POU2F2: variants seen among roughly 807,000 people sequenced by gnomAD.
The protein encoded by POU2F2 is POU domain, class 2, transcription factor 2.
Under a neutral mutation model 63.5 loss-of-function variants are expected in POU2F2, and 14 were observed. The observed-to-expected ratio is 0.22, with a 90% confidence interval of 0.15 to 0.34. POU2F2 has a LOEUF of 0.34. Ranked by LOEUF, POU2F2 falls within the 10% of genes least tolerant of loss-of-function variation. The pLI is 1.00. For synonymous variants in POU2F2, 306 were observed against 348.6 expected, an observed-to-expected ratio of 0.88 and a Z score of 1.36; for missense variants, 607 against 815.2, an observed-to-expected ratio of 0.74 and a Z score of 3.11.
chr19:42,146,844 T>C (rs2034244465), intron 2 of POU2F2, among the ~76,000 whole-genome samples: 1 of 152,196 alleles, frequency 6.6e-6, no homozygotes, highest in African/African-American at 2.4e-5. Context: ...AGCTCAGGTT[T>C]GGAAGGGTCA....
In POU2F2 at chr19:42,095,670, G is replaced by C. The variant is rs2076892545; in HGVS notation, c.895C>G (p.Leu299Val). The part of the protein sequence containing the change: ...DAETMSVDSS[L>V]PSPNQLSSPS... ...CTGCTCAGCTGGTTGGGGCTGGGCAGGCTTGAGTCCACAGACATAGTCTCT... is the reference window on the plus strand; with the variant it reads ...CTGCTCAGCTGGTTGGGGCTGGGCACGCTTGAGTCCACAGACATAGTCTCT... The change falls in exon 10 of 15, where the codon CTG becomes GTG. Residue 299 changes from leucine (L) to valine (V), a missense_variant. Physicochemically the swap from Leu to Val is conservative, Grantham distance 32. This residue lies in a region of POU2F2 where 39 missense variants were observed against 36.3 expected (regional missense o/e 1.07). Coordinates refer to ENST00000692977, the MANE Select transcript of POU2F2 (RefSeq NM_001394376.1). The surrounding 1 kb of genome is among the most constrained non-coding windows in gnomAD (Gnocchi z 7.1). The C allele has an allele frequency of 6.2e-7, 1 of 1,612,300 alleles. No individual in the cohort carries two copies. Among genetic ancestry groups the C allele is most frequent in the Non-Finnish European group, 8.5e-7 (1 of 1,179,840 alleles).
At chr19:42,100,141 G>A (rs1307867912) in intron 5 of POU2F2, among the ~76,000 whole-genome samples, 1 of 137,738 alleles carries the variant, frequency 7.3e-6, no homozygotes, top group Non-Finnish European at 1.5e-5. Flanking sequence ...GCCCAGGCTG[G>A]AGTGCAGTGG....
At chr19:42,173,991 T>C (rs1343884861) in intron 1 of POU2F2, among the ~76,000 whole-genome samples, 1 of 152,274 alleles carries the variant, frequency 6.6e-6, no homozygotes, top group South Asian at 2.1e-4. Flanking sequence ...GCTTTGTTAC[T>C]ACAGAAGGTC....
intron 5 of POU2F2, among the ~76,000 whole-genome samples, chr19:42,115,528 A>C (rs998705721): frequency 5.9e-5 from 9 of 152,206 alleles, no homozygotes; most frequent in African/African-American, 1.9e-4. Context: ...CACTGCCCTG[A>C]AACTTGGCCA....
rs1458251608 is a variant in POU2F2, at chr19:42,089,934, G to A, written c.*1323C>T. 6.6e-6 allele frequency: 1 copy of A among 152,044 alleles called. No homozygotes were observed. Among genetic ancestry groups the A allele is most frequent in the Non-Finnish European group, 1.5e-5 (1 of 68,016 alleles). The allele number at this position is 152,044 out of a possible 1,614,324, so 9.4% of individuals were successfully genotyped here. A position where few individuals can be genotyped will look rare whatever the true frequency, so the allele number is the denominator to read the frequency against. The stretch of plus-strand genomic sequence containing the variant: ...ACACAGGGTCCAGCCAAGAGTTGTG[G>A]AGGTCTTGTGGGAGTGGTGGCCACC... On this transcript the variant is annotated 3_prime_UTR_variant, in exon 15 of 15. Transcript: ENST00000692977.
At chr19:42,122,679 C>G (rs2032786726) in intron 1 of POU2F2, 103 bp from the exon 2 acceptor site, 1 of 1,080,154 alleles carries the variant, frequency 9.3e-7, no homozygotes, top group Non-Finnish European at 1.3e-6. Flanking sequence ...CCCAAATTCC[C>G]CCCTTACCCC....
intron 2 of POU2F2, among the ~76,000 whole-genome samples, chr19:42,146,515 G>C (rs2034237527): frequency 6.6e-6 from 1 of 152,208 alleles, no homozygotes; most frequent in Non-Finnish European, 1.5e-5. Context: ...ATGCTCCCCA[G>C]CTCCACTTTG....
chr19:42,174,726 T>C (rs537155151), intron 1 of POU2F2, among the ~76,000 whole-genome samples: 39 of 151,892 alleles, frequency 2.6e-4, no homozygotes, highest in African/African-American at 8.9e-4. Context: ...TCTGACTCTG[T>C]ACCCACCAGC....
At chr19:42,128,657 C>G (rs1449775232) in intron 1 of POU2F2, among the ~76,000 whole-genome samples, 1 of 152,194 alleles carries the variant, frequency 6.6e-6, no homozygotes, top group African/African-American at 2.4e-5. Context: ...CAATCATAGA[C>G]TTGGAGGGTC....
At chr19:42,160,056 C>T (rs1391994916) in intron 2 of POU2F2, among the ~76,000 whole-genome samples, 2 of 152,130 alleles carry the variant, frequency 1.3e-5, no homozygotes, top group Admixed American at 1.3e-4. Flanking sequence ...ATCTGAGCCA[C>T]CGAGTTACCC....
intron 4 of POU2F2, among the ~76,000 whole-genome samples, chr19:42,120,134 C>T (rs762532072): frequency 6.6e-6 from 1 of 152,070 alleles, no homozygotes; most frequent in East Asian, 1.9e-4. Flanking sequence ...TGGTCTTGAA[C>T]TCCCGGGCTC....
chr19:42,132,549 TGGCCCACAGACCCGCCCCGGCAGCCC>T (rs2033844832), upstream of POU2F2: 1 of 765,068 alleles, frequency 1.3e-6, no homozygotes, highest in South Asian at 3.0e-5. Flanking sequence ...GAAAATACCC[TGGCCCACAGACCCGCCCCGGCAGCCC>T]GGCCCACCCC....
intron 2 of POU2F2, among the ~76,000 whole-genome samples, chr19:42,141,902 A>G (rs1024631731): frequency 1.3e-5 from 2 of 152,226 alleles, no homozygotes; most frequent in Non-Finnish European, 2.9e-5. Flanking sequence ...CACCGATAGG[A>G]CAGTGGCTAA....
chr19:42,102,603 A>G (rs757173266), intron 5 of POU2F2, among the ~76,000 whole-genome samples: 2 of 152,028 alleles, frequency 1.3e-5, no homozygotes, highest in South Asian at 4.1e-4. Flanking sequence ...AAAAAAAAAA[A>G]ATCTTGTTTG....
chr19:42,122,322 C>A, intron 3 of POU2F2, 22 bp downstream of exon 3: 1 of 1,603,574 alleles, frequency 6.2e-7, no homozygotes. Context: ...CACCCCCTCC[C>A]GCTTATCCAC....
upstream of POU2F2, among the ~76,000 whole-genome samples, chr19:42,134,292 G>A (rs187886209): frequency 6.0e-4 from 91 of 152,208 alleles, no homozygotes; most frequent in Admixed American, 1.5e-3. Flanking sequence ...TCAGGAACAC[G>A]CTTTTGGATG....
chr19:42,196,139 C>A (rs1205319006), intron 1 of POU2F2, among the ~76,000 whole-genome samples: 2 of 152,126 alleles, frequency 1.3e-5, no homozygotes, highest in Admixed American at 6.5e-5. Context: ...GTGCCCCCAG[C>A]GTCCCCTGGG....
intron 2 of POU2F2, among the ~76,000 whole-genome samples, chr19:42,154,346 T>C (rs1370604752): frequency 6.9e-6 from 1 of 145,362 alleles, no homozygotes; most frequent in East Asian, 2.1e-4. Context: ...AGACAGAAGA[T>C]GAAAGAGACT....
At chr19:42,172,976 G>A (rs981709906) in intron 1 of POU2F2, among the ~76,000 whole-genome samples, 4 of 152,204 alleles carry the variant, frequency 2.6e-5, no homozygotes, top group South Asian at 2.1e-4. Flanking sequence ...TGGTTCTAGC[G>A]CCAGCATGGT....
Sources: gnomAD v4.1 joint callset for allele counts (sites outside exome capture counted in the v4.1 genomes callset) on GRCh38, gnomAD v4.1.1 for gene constraint, gnomAD v4.1.1 regional missense constraint, Gnocchi (gnomAD v3.1) non-coding constraint, MANE v1.5 for transcripts, NCBI Gene and HGNC (gene_info 2026-07-23, HGNC 2026-07-21) for gene names.